Variants in PTPRQ observed in about 807,000 individuals in gnomAD.
PTPRQ encodes the protein phosphatidylinositol phosphatase PTPRQ.
A neutral mutation model predicts 246.0 loss-of-function variants in PTPRQ; 199 were observed. The observed-to-expected ratio is 0.81, with a 90% CI of 0.72 to 0.91. PTPRQ has a LOEUF of 0.91. PTPRQ is among the 40% of genes least tolerant of loss of function. The probability of loss-of-function intolerance (pLI) is 0.00; values close to 1 mark genes in which losing one functional copy is unlikely to be tolerated. For synonymous variants in PTPRQ, 869 were observed against 853.2 expected (o/e 1.02, Z -0.32); for missense variants, 2,624 against 2,528.4 (o/e 1.04, Z -0.81).
intron 3 of PTPRQ, among the ~76,000 whole-genome samples, chr12:80,456,833 C>T (rs1166409967): frequency 6.6e-6 from 1 of 152,054 alleles, no homozygotes; most frequent in Non-Finnish European, 1.5e-5. Flanking sequence ...TCATTTAGTC[C>T]TCAGCACAAT....
chr12:80,668,973 C>G (rs1385006771), intron 39 of PTPRQ, 34 bp from the exon 40 acceptor site: 1 of 1,525,016 alleles, frequency 6.6e-7, no homozygotes, highest in Admixed American at 2.1e-5. Flanking sequence ...TCTGTGAACA[C>G]AGTGATGCAG....
chr12:80,597,039 G>C (rs1410796050), intron 26 of PTPRQ, among the ~76,000 whole-genome samples: 2 of 151,968 alleles, frequency 1.3e-5, no homozygotes, highest in African/African-American at 4.8e-5. Context: ...CAGGGTGGTA[G>C]AAAAGTACCA....
intron 3 of PTPRQ, among the ~76,000 whole-genome samples, chr12:80,453,154 G>A (rs1009682538): frequency 5.3e-5 from 8 of 151,884 alleles, no homozygotes; most frequent in African/African-American, 9.7e-5. Flanking sequence ...CCAGTTGATC[G>A]CATCGGCTCC....
chr12:80,567,864 A>G (rs1376026910), intron 25 of PTPRQ, among the ~76,000 whole-genome samples: 1 of 152,222 alleles, frequency 6.6e-6, no homozygotes. Context: ...CATACCCAAC[A>G]GCACCGAATG....
intron 41 of PTPRQ, 107 bp downstream of exon 41, chr12:80,669,571 T>C: frequency 1.5e-6 from 2 of 1,374,376 alleles, no homozygotes; most frequent in Non-Finnish European, 1.9e-6. Context: ...GATACCTGTA[T>C]ATTCAACAAT....
chr12:80,641,522 G>A (rs1406271482), intron 35 of PTPRQ, among the ~76,000 whole-genome samples: 2 of 152,148 alleles, frequency 1.3e-5, no homozygotes, highest in African/African-American at 2.4e-5. Context: ...ATCACATTTA[G>A]CATTTGGGAA....
At chr12:80,546,870 G>A (rs1896323575) in intron 24 of PTPRQ, 173 bp downstream of exon 24, 1 of 665,974 alleles carries the variant, frequency 1.5e-6, no homozygotes, top group Admixed American at 3.8e-5. Flanking sequence ...TGCTGTATGT[G>A]TGTTTATACA....
At position 80,679,273 on chromosome 12, in the gene PTPRQ, T is replaced by C; in HGVS notation, c.*250T>C. 1 of 337,756 alleles carries C rather than the reference T, an allele frequency of 3.0e-6. No individual in the cohort carries two copies. Among genetic ancestry groups the C allele is most frequent in the East Asian group, 4.8e-5 (1 of 20,884 alleles). 20.9% of individuals were successfully genotyped at this position (337,756 alleles called of 1,614,324 possible). A position where few individuals can be genotyped will look rare whatever the true frequency, so the allele number is the denominator to read the frequency against. On this transcript the variant is annotated 3_prime_UTR_variant, in exon 45 of 45. Coordinates refer to ENST00000644991, the MANE Select transcript of PTPRQ (RefSeq NM_001145026.2). ...TTAAGAAAAGACATCCCATATGTTTTTGAAGTCCTCCATATTTTGGAATAA... is the reference window on the plus strand; with the variant it reads ...TTAAGAAAAGACATCCCATATGTTTCTGAAGTCCTCCATATTTTGGAATAA...
At chr12:80,472,490 G>A (rs953417136) in intron 8 of PTPRQ, among the ~76,000 whole-genome samples, 1 of 152,110 alleles carries the variant, frequency 6.6e-6, no homozygotes, top group Non-Finnish European at 1.5e-5. Context: ...TGTAGTATTG[G>A]CCTGTTAGAG....
At chr12:80,673,829 A>T (rs1901051039) in intron 43 of PTPRQ, among the ~76,000 whole-genome samples, 1 of 152,122 alleles carries the variant, frequency 6.6e-6, no homozygotes. Flanking sequence ...GGCAAAAAAT[A>T]TTTACAAAAT....
intron 23 of PTPRQ, among the ~76,000 whole-genome samples, chr12:80,544,109 AG>A (rs1428848425): frequency 1.3e-5 from 2 of 152,126 alleles, no homozygotes; most frequent in African/African-American, 4.8e-5. Flanking sequence ...CGGTGAAGCA[AG>A]GGCTCTGACT....
intron 8 of PTPRQ, among the ~76,000 whole-genome samples, chr12:80,477,811 G>A (rs1261344411): frequency 3.3e-5 from 5 of 152,166 alleles, no homozygotes; most frequent in Non-Finnish European, 5.9e-5. Flanking sequence ...CGAATACTGC[G>A]CTTTTCTGAC....
chr12:80,629,775 A>C (rs1013044313), intron 33 of PTPRQ, among the ~76,000 whole-genome samples: 45 of 152,196 alleles, frequency 3.0e-4, no homozygotes, highest in African/African-American at 1.0e-3. Context: ...CAGACTTGCT[A>C]AGTTTTTAAT....
intron 17 of PTPRQ, among the ~76,000 whole-genome samples, chr12:80,518,678 T>C (rs1169586877): frequency 6.6e-6 from 1 of 152,190 alleles, no homozygotes. Flanking sequence ...GAGGTCAAGT[T>C]TCATTCTTCT....
At position 80,619,496 on chromosome 12, in the gene PTPRQ, T is replaced by C. The variant is rs1297070153; in HGVS notation, c.5343T>C (p.Asp1781=). Residue 1781 remains aspartate, a synonymous_variant, in exon 31 of 45, where the codon GAT becomes GAC. Coordinates refer to ENST00000644991, the MANE Select transcript of PTPRQ (RefSeq NM_001145026.2). The part of the protein sequence containing the change: ...IRMPICYYSD[D]HGPIKNVQVL... ...TGCCAATATGTTACTACAGTGATGA[T>C]CATGGACCAATAAAAAATGTACAAG... The C allele has an allele frequency of 3.9e-6, 6 of 1,542,664 alleles. No homozygotes were observed. Among genetic ancestry groups the C allele is most frequent in the Admixed American group, 2.0e-5 (1 of 50,310 alleles).
chr12:80,493,406 TA>T lies in PTPRQ; in HGVS notation c.1496del (p.Asn499ThrfsTer16). The T allele has an allele frequency of 6.5e-7, 1 of 1,550,152 alleles. No individual in the cohort carries two copies. Among genetic ancestry groups the T allele is most frequent in the Non-Finnish European group, 8.7e-7 (1 of 1,145,930 alleles). On this transcript the variant is annotated frameshift_variant, in exon 10 of 45. Coordinates refer to ENST00000644991, the MANE Select transcript of PTPRQ (RefSeq NM_001145026.2). LOFTEE classifies it high-confidence loss of function. ...CATTTATATATAACAGCCATCCAGA[TA>T]AAAACTTTCCTGCAAGGAATAGAGC... ...ATFIYNSHPD[K>X]NFPARNRAED...
chr12:80,551,270 A>G (rs1896466181), intron 25 of PTPRQ, among the ~76,000 whole-genome samples: 1 of 152,014 alleles, frequency 6.6e-6, no homozygotes, highest in Non-Finnish European at 1.5e-5. Flanking sequence ...ATTGGACCCC[A>G]AGCCTCATAG....
chr12:80,539,548 A>C (rs1301319153), intron 19 of PTPRQ, among the ~76,000 whole-genome samples: 1 of 151,958 alleles, frequency 6.6e-6, no homozygotes, highest in African/African-American at 2.4e-5. Flanking sequence ...ATTCTTTGCT[A>C]TTTTTTTGTA....
intron 35 of PTPRQ, among the ~76,000 whole-genome samples, chr12:80,646,629 T>C (rs1476831028): frequency 6.6e-6 from 1 of 152,170 alleles, no homozygotes; most frequent in African/African-American, 2.4e-5. Flanking sequence ...AGTAGGAAAC[T>C]ATCTCCTTGC....
Sources: allele counts gnomAD v4.1 joint callset (sites outside exome capture counted in the v4.1 genomes callset), GRCh38; gene constraint gnomAD v4.1.1; transcripts MANE v1.5; gene names NCBI Gene and HGNC (gene_info 2026-07-23, HGNC 2026-07-21).